CFTR: variants seen among roughly 807,000 people sequenced by gnomAD.
The protein encoded by CFTR is cystic fibrosis transmembrane conductance regulator.
A neutral mutation model predicts 171.6 loss-of-function variants in CFTR; 181 were observed. The observed-to-expected ratio is 1.05, with a 90% CI of 0.93 to 1.19. The LOEUF (loss-of-function observed/expected upper bound fraction) is 1.19, where lower values mean the gene tolerates loss of function less well. CFTR is among the 50% of genes most tolerant of loss of function. CFTR has a pLI of 0.00. For synonymous variants in CFTR, 583 were observed against 608.0 expected, an observed-to-expected ratio of 0.96 and a Z score of 0.60; for missense variants, 1,968 against 1,734.7, an observed-to-expected ratio of 1.13 and a Z score of -2.39.
chr7:117,545,376 A>T (rs957348942), intron 9 of CFTR, among the ~76,000 whole-genome samples: 1 of 152,112 alleles, frequency 6.6e-6, no homozygotes. Context: ...CTGGCTTTTT[A>T]TGTTCTCCGT....
In CFTR at chr7:117,611,735, G is replaced by C. The variant is rs397508533; in HGVS notation, c.3294G>C (p.Trp1098Cys). The C allele has an allele frequency of 1.9e-6, 3 of 1,613,390 alleles. No individual in the cohort carries two copies. The highest frequency in any genetic ancestry group is 3.3e-5 in the Admixed American group (2 of 59,890). The change falls in exon 20 of 27, where the codon TGG (tryptophan) becomes TGC (cysteine). Residue 1098 changes from tryptophan to cysteine, a missense_variant. By Grantham distance (215) the Trp-to-Cys change is radical (BLOSUM62 -2). Transcript: ENST00000003084. ...NWFLYLSTLRWFQMRIEMIFV... is the reference protein window; with the variant it reads ...NWFLYLSTLRCFQMRIEMIFV... ...TCTTGTACCTGTCAACACTGCGCTG[G>C]TTCCAAATGAGAATAGAAATGATTT...
intron 23 of CFTR, among the ~76,000 whole-genome samples, chr7:117,647,853 C>T (rs1451277223): frequency 6.6e-6 from 1 of 151,590 alleles, no homozygotes; most frequent in African/African-American, 2.4e-5. Context: ...CTACCATAAA[C>T]TTAGGATCTT....
intron 9 of CFTR, among the ~76,000 whole-genome samples, chr7:117,548,123 GAA>G (rs1387954329): frequency 6.6e-6 from 1 of 152,120 alleles, no homozygotes; most frequent in Non-Finnish European, 1.5e-5. Flanking sequence ...ATTACTTAAA[GAA>G]ATGCTTTGAG....
intron 2 of CFTR, among the ~76,000 whole-genome samples, chr7:117,507,200 G>A (rs1000637504): frequency 5.9e-5 from 9 of 152,130 alleles, no homozygotes; most frequent in Non-Finnish European, 1.0e-4. Context: ...CTAACAATTT[G>A]TGGCACCAAG....
chr7:117,557,867 T>C (rs1262644007), intron 10 of CFTR, among the ~76,000 whole-genome samples: 1 of 152,166 alleles, frequency 6.6e-6, no homozygotes, highest in Non-Finnish European at 1.5e-5. Context: ...TACTTTTATT[T>C]CAAGTATGTC....
Position 117,595,010 on chromosome 7 carries a change from G to C in CFTR, c.2571G>C (p.Lys857Asn), listed in dbSNP as rs397508398. ...ACCTTCGATATATTACTGTCCACAAGAGCTTAATTTTTGTGCTAATTTGGT... is the reference window on the plus strand; with the variant it reads ...ACCTTCGATATATTACTGTCCACAACAGCTTAATTTTTGTGCTAATTTGGT... ...NTYLRYITVH[K>N]SLIFVLIWCL... The change falls in exon 15 of 27, where the codon AAG becomes AAC. Residue 857 changes from lysine to asparagine, a missense_variant. Coordinates refer to ENST00000003084, the MANE Select transcript of CFTR (RefSeq NM_000492.4). 1 of 1,612,864 alleles carries C rather than the reference G, an allele frequency of 6.2e-7. No individual in the cohort carries two copies. The highest frequency in any genetic ancestry group is 8.5e-7 in the Non-Finnish European group (1 of 1,179,406).
intron 2 of CFTR, among the ~76,000 whole-genome samples, chr7:117,504,728 T>C (rs1798387252): frequency 6.8e-6 from 1 of 146,592 alleles, no homozygotes; most frequent in Non-Finnish European, 1.5e-5. Flanking sequence ...CACTCCAGCT[T>C]GGGTGACACA....
intron 24 of CFTR, among the ~76,000 whole-genome samples, chr7:117,653,315 A>G (rs1793116058): frequency 6.6e-6 from 1 of 152,154 alleles, no homozygotes; most frequent in Non-Finnish European, 1.5e-5. Context: ...TGGTCCATTT[A>G]GGCTGCTAAA....
At position 117,495,458 on chromosome 7, in the gene CFTR, G is replaced by A. The variant is rs77491337; in HGVS notation, c.54-8795G>A. Among the ~76,000 whole-genome samples the A allele has an allele frequency of 3.9e-3, 591 of 152,260 alleles. 5 individuals carry two copies. The highest frequency in any genetic ancestry group is 0.013 in the African/African-American group (553 of 41,558). On this transcript the variant is annotated intron_variant, in intron 1 of 26. Transcript: ENST00000003084. ...CTTGAGTCTTTGAAATCCAAGTCAT[G>A]TGAGTGAATTAGATACAGCTGTTAG...
chr7:117,667,227 A>G lies in CFTR; in HGVS notation c.*119A>G, dbSNP rs1793399754. 1 of 932,260 alleles carries G rather than the reference A, an allele frequency of 1.1e-6. No individual in the cohort carries two copies. The highest frequency in any genetic ancestry group is 2.1e-5 in the Admixed American group (1 of 47,806). The allele number at this position is 932,260 out of a possible 1,614,324, so 57.7% of individuals were successfully genotyped here. A position where few individuals can be genotyped will look rare whatever the true frequency, so the allele number is the denominator to read the frequency against. ...CCTCTGCCTCAGAAAACAAGGATGA[A>G]TTAAGTTTTTTTTTAAAAAAGAAAC... is the stretch of plus-strand genomic sequence containing the variant. On this transcript the variant is annotated 3_prime_UTR_variant, in exon 27 of 27. Coordinates refer to ENST00000003084, the MANE Select transcript of CFTR (RefSeq NM_000492.4).
chr7:117,552,872 C>G (rs1799295312), intron 10 of CFTR, among the ~76,000 whole-genome samples: 1 of 152,144 alleles, frequency 6.6e-6, no homozygotes, highest in South Asian at 2.1e-4. Context: ...CTGTCTCTCC[C>G]CTGCCATTCA....
intron 11 of CFTR, among the ~76,000 whole-genome samples, chr7:117,561,724 TTTGTGGACTAGTGGGA>T (rs1791498902): frequency 1.3e-5 from 2 of 152,030 alleles, no homozygotes; most frequent in African/African-American, 4.8e-5. Context: ...ACTTCGGGAA[TTTGTGGACTAGTGGGA>T]AAGATTGACA....
At chr7:117,590,214 T>C in intron 12 of CFTR, 139 bp from the exon 13 acceptor site, 2 of 967,262 alleles carry the variant, frequency 2.1e-6, no homozygotes, top group Non-Finnish European at 3.0e-6. Context: ...TGCACCACTT[T>C]TGAGAATAGT....
chr7:117,531,309 T>C (rs2116671057), intron 4 of CFTR, among the ~76,000 whole-genome samples, 195 bp downstream of exon 4: 1 of 152,286 alleles, frequency 6.6e-6, no homozygotes, highest in South Asian at 2.1e-4. Context: ...AAACTGATAA[T>C]TATTGAGTAT....
intron 11 of CFTR, among the ~76,000 whole-genome samples, chr7:117,564,004 G>T (rs1791558054): frequency 6.6e-6 from 1 of 152,108 alleles, no homozygotes; most frequent in Admixed American, 6.6e-5. Flanking sequence ...CTTAGTATAT[G>T]CTGTTTTCTT....
chr7:117,576,576 T>G (rs1445132524), intron 11 of CFTR, among the ~76,000 whole-genome samples: 1 of 152,118 alleles, frequency 6.6e-6, no homozygotes, highest in Non-Finnish European at 1.5e-5. Flanking sequence ...TTGTTTAATC[T>G]CACATCAGTA....
intron 23 of CFTR, chr7:117,647,549 A>C (rs990275849): frequency 1.3e-5 from 2 of 151,800 alleles, no homozygotes; most frequent in African/African-American, 4.8e-5. Context: ...ATGGTGCTAT[A>C]CCGTTCATGA....
intron 1 of CFTR, among the ~76,000 whole-genome samples, chr7:117,492,107 T>G (rs1184559638): frequency 1.3e-5 from 2 of 152,028 alleles, no homozygotes; most frequent in African/African-American, 2.4e-5. Context: ...TTATGAAATT[T>G]TGGTACATGT....
intron 2 of CFTR, among the ~76,000 whole-genome samples, chr7:117,506,878 AT>A (rs1339295724): frequency 6.6e-6 from 1 of 152,164 alleles, no homozygotes; most frequent in African/African-American, 2.4e-5. Context: ...TTATTGAAAT[AT>A]TTTGGAAGAG....
Sources: gnomAD v4.1 joint callset for allele counts (sites outside exome capture counted in the v4.1 genomes callset) on GRCh38, gnomAD v4.1.1 for gene constraint, MANE v1.5 for transcripts, NCBI Gene and HGNC (gene_info 2026-07-23, HGNC 2026-07-21) for gene names.